IRAG1: variants seen among roughly 807,000 people sequenced by gnomAD.
IRAG1 encodes the protein IP3R-associated cGMP kinase substrate.
Under a neutral mutation model 106.2 loss-of-function variants are expected in IRAG1, and 62 were observed. The ratio of observed to expected loss-of-function variants is 0.58; its 90% CI spans 0.48 to 0.72. The LOEUF is 0.72. Ranked by LOEUF, IRAG1 falls within the 30% of genes least tolerant of loss-of-function variation. IRAG1 has a pLI of 0.00. For synonymous variants in IRAG1, 462 were observed against 443.9 expected (o/e 1.04, Z -0.51); for missense variants, 1,064 against 1,140.7 (o/e 0.93, Z 0.97).
At chr11:10,580,639 A>G (rs1201873101) in intron 19 of IRAG1, 50 bp from the exon 20 acceptor site, 1 of 1,595,072 alleles carries the variant, frequency 6.3e-7, no homozygotes, top group African/African-American at 1.4e-5. Flanking sequence ...GATGCAGTGC[A>G]TCCTTTCCTG....
chr11:10,622,701 C>T (rs1022442838), intron 10 of IRAG1, among the ~76,000 whole-genome samples: 2 of 152,002 alleles, frequency 1.3e-5, no homozygotes, highest in African/African-American at 4.8e-5. Context: ...GATGGGGCTT[C>T]GTCATGCTGC....
At position 10,633,235 on chromosome 11, in the gene IRAG1, C is replaced by T. The variant is rs187435969; in HGVS notation, c.329+733G>A. ...GACTACAGGCGCCCGCCACCACACC[C>T]GGCTAATTTTTCTGTATTTGTAGTA... On this transcript the variant is annotated intron_variant, in intron 3 of 20. Transcript: ENST00000423302. Among the ~76,000 whole-genome samples, 130 of 152,090 alleles carry T rather than the reference C, an allele frequency of 8.5e-4. 1 individual carries two copies. The highest frequency in any genetic ancestry group is 3.3e-3 in the East Asian group (17 of 5,162).
intron 1 of IRAG1, among the ~76,000 whole-genome samples, chr11:10,676,887 G>T (rs868587239): frequency 6.6e-6 from 1 of 152,188 alleles, no homozygotes; most frequent in Non-Finnish European, 1.5e-5. Context: ...ATTGCTCTGG[G>T]GCGAGCGGTG....
chr11:10,660,999 T>A (rs1333981009), intron 1 of IRAG1, among the ~76,000 whole-genome samples: 1 of 152,162 alleles, frequency 6.6e-6, no homozygotes, highest in East Asian at 1.9e-4. Flanking sequence ...CCAATGACCC[T>A]CCATAATGAT....
At chr11:10,622,876 G>GACACACACACACACACACACACACACAC (rs10525799) in intron 10 of IRAG1, among the ~76,000 whole-genome samples, 2,662 of 141,318 alleles carry the variant, frequency 0.019, 43 homozygotes, top group East Asian at 0.048. Flanking sequence ...GTAAGCAGTG[G>GACACACACACACACACACACACACACAC]ACACACACAC....
chr11:10,680,367 A>AGT (rs1395405539), intron 1 of IRAG1, among the ~76,000 whole-genome samples: 1 of 95,610 alleles, frequency 1.0e-5, no homozygotes, highest in Non-Finnish European at 2.0e-5. Context: ...GAAAGAAAGA[A>AGT]AGAAGGAAGG....
chr11:10,634,753 T>TTGTGTGTGTGTGTGTGTGTG (rs57266330), intron 2 of IRAG1, among the ~76,000 whole-genome samples: 9 of 144,936 alleles, frequency 6.2e-5, no homozygotes, highest in South Asian at 2.3e-4. Context: ...AATAATATTC[T>TTGTGTGTGTGTGTGTGTGTG]TGTGTGTGTG....
chr11:10,663,708 T>C (rs1859575276), intron 1 of IRAG1, among the ~76,000 whole-genome samples: 1 of 152,120 alleles, frequency 6.6e-6, no homozygotes, highest in Non-Finnish European at 1.5e-5. Flanking sequence ...GTAACACAGG[T>C]ACAGAGAAAG....
Position 10,581,895 on chromosome 11 carries a change from T to C in IRAG1, c.2332A>G (p.Arg778Gly). The change falls in exon 19 of 21, where the codon AGG (arginine) becomes GGG (glycine). Residue 778 changes from arginine to glycine, a missense_variant. Physicochemically the swap from Arg to Gly is moderately radical, Grantham distance 125 (BLOSUM62 -2). Coordinates refer to ENST00000423302, the MANE Select transcript of IRAG1 (RefSeq NM_130385.4). ...TTGCTGTAGGCTTCTTCCTCCATCC[T>C]GGCCTTGGTCTCCTGACTAAGCTCC... The part of the protein sequence containing the change: ...LEELSQETKA[R>G]MEEEAYSKGF... The C allele has an allele frequency of 3.1e-6, 5 of 1,613,932 alleles. No individual in the cohort carries two copies. Among genetic ancestry groups the C allele is most frequent in the Non-Finnish European group, 4.2e-6 (5 of 1,179,814 alleles).
intron 1 of IRAG1, among the ~76,000 whole-genome samples, chr11:10,671,418 C>T (rs192324717): frequency 3.9e-5 from 6 of 152,264 alleles, no homozygotes; most frequent in South Asian, 4.2e-4. Flanking sequence ...CTTAGGAATA[C>T]ACCCAACGGC....
rs79020130 is a variant in IRAG1, at chr11:10,631,103, A to G, written c.400+888T>C. On this transcript the variant is annotated intron_variant, in intron 4 of 20. Coordinates refer to ENST00000423302, the MANE Select transcript of IRAG1 (RefSeq NM_130385.4). ...GAAGAAAGCTAACACACAAGAAAAA[A>G]GGTTCAAGAGATGGAATGGGACAAT... Among the ~76,000 whole-genome samples, 95 of 152,358 alleles carry G rather than the reference A, an allele frequency of 6.2e-4. 2 individuals are homozygous for G. In the East Asian group the frequency reaches 0.018, roughly 28 times the overall value.
intron 2 of IRAG1, among the ~76,000 whole-genome samples, chr11:10,637,005 C>T (rs1199716865): frequency 6.6e-6 from 1 of 152,172 alleles, no homozygotes; most frequent in Non-Finnish European, 1.5e-5. Context: ...TTCTGAAGGA[C>T]CTCGAAGCTA....
Position 10,575,745 on chromosome 11 carries a change from CT to C in IRAG1, c.*586del, listed in dbSNP as rs67434222. ...AGCACTGAGCTAAATTCAGCCTATA[CT>C]TTTTTTTTTTTTTCTGAGAAGCCTT... On this transcript the variant is annotated 3_prime_UTR_variant, in exon 21 of 21. Transcript: ENST00000423302. 0.032 allele frequency: 4,193 copies of C among 131,850 alleles called. 179 individuals are homozygous for C. The highest frequency in any genetic ancestry group is 0.098 in the African/African-American group (3,846 of 39,380). 8.2% of individuals were successfully genotyped at this position (131,850 alleles called of 1,614,324 possible).
intron 18 of IRAG1, among the ~76,000 whole-genome samples, chr11:10,589,806 C>T (rs776226238): frequency 2.0e-5 from 3 of 152,174 alleles, no homozygotes; most frequent in African/African-American, 4.8e-5. Context: ...CACTATTGAT[C>T]GTCACCCATT....
At chr11:10,669,728 T>TC (rs1292247436) in intron 1 of IRAG1, among the ~76,000 whole-genome samples, 3 of 151,778 alleles carry the variant, frequency 2.0e-5, no homozygotes, top group Non-Finnish European at 1.5e-5. Context: ...AGAAAGTAGT[T>TC]CCCCCCCTTA....
intron 10 of IRAG1, among the ~76,000 whole-genome samples, chr11:10,610,793 G>C (rs1304804122): frequency 6.6e-6 from 1 of 152,206 alleles, no homozygotes; most frequent in Non-Finnish European, 1.5e-5. Context: ...AGTACACTTA[G>C]CATTAAGCAA....
At chr11:10,676,540 G>A (rs999420438) in intron 1 of IRAG1, among the ~76,000 whole-genome samples, 2 of 152,182 alleles carry the variant, frequency 1.3e-5, no homozygotes, top group Non-Finnish European at 2.9e-5. Context: ...CTCAGACCAG[G>A]CCAATACATT....
At chr11:10,683,108 AT>A (rs965816950) in intron 1 of IRAG1, among the ~76,000 whole-genome samples, 24 of 152,314 alleles carry the variant, frequency 1.6e-4, no homozygotes, top group Middle Eastern at 6.8e-3. Flanking sequence ...CACTTCCTTA[AT>A]ATTTAATAAA....
At chr11:10,655,366 G>A (rs1445920265) in intron 1 of IRAG1, among the ~76,000 whole-genome samples, 6 of 152,180 alleles carry the variant, frequency 3.9e-5, no homozygotes, top group East Asian at 3.8e-4. Context: ...ACTTTAGCCC[G>A]GAGAAGAGGA....
Sources: allele counts gnomAD v4.1 joint callset (sites outside exome capture counted in the v4.1 genomes callset), GRCh38; gene constraint gnomAD v4.1.1; transcripts MANE v1.5; gene names NCBI Gene and HGNC (gene_info 2026-07-23, HGNC 2026-07-21).